FRMD4B: variants seen among roughly 807,000 people sequenced by gnomAD.
FRMD4B encodes FERM domain-containing protein 4B.
Under a neutral mutation model 141.5 loss-of-function variants are expected in FRMD4B, and 74 were observed. The observed-to-expected ratio is 0.52, with a 90% CI of 0.43 to 0.63. The LOEUF (loss-of-function observed/expected upper bound fraction) is 0.63, where lower values mean the gene tolerates loss of function less well. Among genes scored for constraint, FRMD4B ranks in the 30% least tolerant of loss-of-function variants. The probability of loss-of-function intolerance (pLI) is 0.00; values close to 1 mark genes in which losing one functional copy is unlikely to be tolerated. For synonymous variants in FRMD4B, 506 were observed against 467.9 expected (o/e 1.08, Z -1.05); for missense variants, 1,366 against 1,253.4 (o/e 1.09, Z -1.36).
intron 1 of FRMD4B, among the ~76,000 whole-genome samples, chr3:69,352,550 C>G (rs1164618505): frequency 6.6e-6 from 1 of 152,060 alleles, no homozygotes; most frequent in Non-Finnish European, 1.5e-5. Flanking sequence ...GTTTTTTACC[C>G]AGATATTCCT....
At chr3:69,265,267 AAAATATATATATAT>A (rs1220487676) in intron 5 of FRMD4B, among the ~76,000 whole-genome samples, 103 of 23,574 alleles carry the variant, frequency 4.4e-3, no homozygotes, top group Non-Finnish European at 5.1e-3. Context: ...AAAAAAAAAA[AAAATATATATATAT>A]ATATATATAT....
intron 1 of FRMD4B, among the ~76,000 whole-genome samples, chr3:69,504,140 A>G (rs888235319): frequency 3.3e-5 from 5 of 152,204 alleles, no homozygotes; most frequent in African/African-American, 1.2e-4. Context: ...CATATTTTGC[A>G]TAATTGGATC....
At chr3:69,234,429 T>A (rs1027984267) in intron 7 of FRMD4B, among the ~76,000 whole-genome samples, 1 of 152,178 alleles carries the variant, frequency 6.6e-6, no homozygotes, top group Non-Finnish European at 1.5e-5. Context: ...ACTAATCTAC[T>A]GGCACTGACC....
chr3:69,232,700 TG>T (rs2093316828), intron 7 of FRMD4B, among the ~76,000 whole-genome samples: 2 of 152,154 alleles, frequency 1.3e-5, no homozygotes, highest in Non-Finnish European at 2.9e-5. Context: ...TGGCTAATTG[TG>T]GGCTTGTACA....
intron 11 of FRMD4B, among the ~76,000 whole-genome samples, chr3:69,205,141 C>G (rs1030862240): frequency 1.3e-5 from 2 of 148,998 alleles, no homozygotes; most frequent in African/African-American, 4.9e-5. Context: ...TTACAGCAGC[C>G]ATTTGCGGGA....
intron 1 of FRMD4B, among the ~76,000 whole-genome samples, chr3:69,338,022 G>C (rs1702611976): frequency 6.6e-6 from 1 of 152,188 alleles, no homozygotes; most frequent in Admixed American, 6.6e-5. Context: ...GTTTATTGCA[G>C]CACTATTCAC....
intron 8 of FRMD4B, among the ~76,000 whole-genome samples, 186 bp downstream of exon 8, chr3:69,224,421 T>C (rs760068903): frequency 3.9e-5 from 6 of 152,342 alleles, no homozygotes; most frequent in Middle Eastern, 3.4e-3. Flanking sequence ...CTTGGTACAA[T>C]GATCTCCAGT....
intron 11 of FRMD4B, among the ~76,000 whole-genome samples, chr3:69,212,381 G>GAAAAAAAA (rs61444871): frequency 1.0e-5 from 1 of 95,586 alleles, no homozygotes; most frequent in Non-Finnish European, 1.9e-5. Context: ...AAAAAAAAAA[G>GAAAAAAAA]AAAAAAAAAA....
intron 1 of FRMD4B, among the ~76,000 whole-genome samples, chr3:69,321,380 C>G (rs1401540438): frequency 1.3e-5 from 2 of 152,178 alleles, no homozygotes; most frequent in African/African-American, 2.4e-5. Context: ...CTCTCTCTCC[C>G]TTATTCCTTT....
chr3:69,278,602 TG>T (rs1211198598), intron 5 of FRMD4B, among the ~76,000 whole-genome samples: 5 of 93,344 alleles, frequency 5.4e-5, no homozygotes, highest in Non-Finnish European at 1.1e-4. Context: ...GGCCCCAAAT[TG>T]CTTTTTTTTT....
chr3:69,481,572 T>G lies in FRMD4B; in HGVS notation c.-128-48811A>C, dbSNP rs79946222. On this transcript the variant is annotated intron_variant, in intron 1 of 5. Transcript: ENST00000459638. ...AAGAATGGCAGGGAGGAAGCAGGTCTTGGAAAGGAGGTACTCAGGGGCTCA... is the reference window on the plus strand; with the variant it reads ...AAGAATGGCAGGGAGGAAGCAGGTCGTGGAAAGGAGGTACTCAGGGGCTCA... 7.3e-5 allele frequency among the ~76,000 whole-genome samples: 11 copies of G among 151,526 alleles called. No individual in the cohort carries two copies. The East Asian group carries it at 2.1e-3, about 29-fold the overall frequency.
intron 1 of FRMD4B, chr3:69,535,714 C>T: frequency 2.5e-6 from 1 of 407,416 alleles, no homozygotes; most frequent in Non-Finnish European, 4.9e-6. Context: ...AATGGGCAGT[C>T]CAGCCTTTCA....
At position 69,498,658 on chromosome 3, in the gene FRMD4B, C is replaced by T. The variant is rs1410904376; in HGVS notation, c.-129+43548G>A. On this transcript the variant is annotated intron_variant, in intron 1 of 5. Coordinates refer to the FRMD4B transcript ENST00000459638. ...ATAACTTTCATAGCTTAGAACTCTA[C>T]AACATATAACTGTTAAGAGTTATAA... 7.9e-5 allele frequency among the ~76,000 whole-genome samples: 12 copies of T among 152,132 alleles called. No individual in the cohort carries two copies. The South Asian group carries it at 2.3e-3, about 29-fold the overall frequency.
At chr3:69,382,161 T>C (rs1257622842) in intron 1 of FRMD4B, among the ~76,000 whole-genome samples, 1 of 152,212 alleles carries the variant, frequency 6.6e-6, no homozygotes, top group Non-Finnish European at 1.5e-5. Flanking sequence ...TGCCTCAGCC[T>C]CCCGAGTAGC....
At chr3:69,289,561 C>G (rs940759018) in intron 4 of FRMD4B, among the ~76,000 whole-genome samples, 1 of 152,098 alleles carries the variant, frequency 6.6e-6, no homozygotes, top group Non-Finnish European at 1.5e-5. Flanking sequence ...TTTGGGAGGC[C>G]GAGGCGGGCA....
At chr3:69,455,069 A>G (rs1705571185) in intron 1 of FRMD4B, among the ~76,000 whole-genome samples, 1 of 152,360 alleles carries the variant, frequency 6.6e-6, no homozygotes, top group African/African-American at 2.4e-5. Context: ...AAATACACCA[A>G]TCAGCACTCT....
At chr3:69,395,239 A>T (rs1017964288) in intron 2 of FRMD4B, among the ~76,000 whole-genome samples, 2 of 151,896 alleles carry the variant, frequency 1.3e-5, no homozygotes, top group Non-Finnish European at 2.9e-5. Context: ...ATGAACAGTT[A>T]TTTTTTTTAT....
chr3:69,350,113 C>T (rs1464865257), intron 1 of FRMD4B, among the ~76,000 whole-genome samples: 1 of 151,732 alleles, frequency 6.6e-6, no homozygotes. Flanking sequence ...CAATGAACTC[C>T]AACAAATTTA....
intron 5 of FRMD4B, among the ~76,000 whole-genome samples, chr3:69,250,537 T>C (rs1477201340): frequency 2.0e-5 from 3 of 152,166 alleles, no homozygotes; most frequent in Non-Finnish European, 4.4e-5. Flanking sequence ...GTTATTTCAG[T>C]ATACACACAA....
Sources: allele counts gnomAD v4.1 joint callset (sites outside exome capture counted in the v4.1 genomes callset), GRCh38; gene constraint gnomAD v4.1.1; transcripts MANE v1.5; gene names NCBI Gene and HGNC (gene_info 2026-07-23, HGNC 2026-07-21).